SV2C: variants seen among roughly 807,000 people sequenced by gnomAD.
The protein encoded by SV2C is solute carrier family 22 member B3.
In SV2C, 49 loss-of-function variants were observed where a neutral mutation model predicts 79.7. The ratio of observed to expected loss-of-function variants is 0.61; its 90% CI spans 0.49 to 0.78. SV2C has a LOEUF of 0.78. SV2C is among the 30% of genes least tolerant of loss of function. SV2C has a pLI of 0.00. For synonymous variants in SV2C, 334 were observed against 333.2 expected (o/e 1.00, Z -0.03); for missense variants, 833 against 912.9 (o/e 0.91, Z 1.13).
intron 2 of SV2C, among the ~76,000 whole-genome samples, chr5:76,139,040 AC>A (rs2112202765): frequency 6.6e-6 from 1 of 151,762 alleles, no homozygotes; most frequent in African/African-American, 2.4e-5. Context: ...AATGGCATGA[AC>A]CCGGGAGGCA....
chr5:76,270,186 T>C (rs771489591), intron 4 of SV2C, among the ~76,000 whole-genome samples: 1 of 152,248 alleles, frequency 6.6e-6, no homozygotes, highest in Admixed American at 6.5e-5. Context: ...TCTCTATGAT[T>C]CATATAACCT....
At chr5:76,046,282 C>T in the SV2C span, among the ~76,000 whole-genome samples, 1 of 152,082 alleles carries the variant, frequency 6.6e-6, no homozygotes, top group Admixed American at 6.5e-5. Context: ...CATCACTGTA[C>T]CATGTGATAT....
At chr5:76,185,738 G>A (rs1169198891) in intron 2 of SV2C, among the ~76,000 whole-genome samples, 1 of 152,250 alleles carries the variant, frequency 6.6e-6, no homozygotes, top group Non-Finnish European at 1.5e-5. Flanking sequence ...CTCCAGGCCT[G>A]TGATGGGAGA....
intron 4 of SV2C, among the ~76,000 whole-genome samples, chr5:76,217,137 G>T (rs1395988947): frequency 6.6e-6 from 1 of 152,188 alleles, no homozygotes; most frequent in Non-Finnish European, 1.5e-5. Flanking sequence ...CCTCTATCTG[G>T]CTAGCCCTGC....
chr5:76,167,788 C>T (rs1001276111), intron 2 of SV2C, among the ~76,000 whole-genome samples: 1 of 152,136 alleles, frequency 6.6e-6, no homozygotes, highest in African/African-American at 2.4e-5. Flanking sequence ...GACCCAGGAA[C>T]CCGAATCCAA....
chr5:75,954,282 A>C, the SV2C span, among the ~76,000 whole-genome samples: 2 of 151,998 alleles, frequency 1.3e-5, no homozygotes, highest in Middle Eastern at 3.2e-3. Context: ...AAGGAAGAAA[A>C]TGGCAGGCTA....
the SV2C span, among the ~76,000 whole-genome samples, chr5:76,055,681 G>A: frequency 6.6e-6 from 1 of 152,052 alleles, no homozygotes; most frequent in Admixed American, 6.6e-5. Context: ...CTTGAGCAGT[G>A]GTTTGTAGTT....
chr5:76,281,462 C>G (rs1402316741), intron 4 of SV2C, among the ~76,000 whole-genome samples: 3 of 150,836 alleles, frequency 2.0e-5, no homozygotes, highest in Non-Finnish European at 4.4e-5. Flanking sequence ...TCCAACTTAA[C>G]TTCTATCAGC....
chr5:76,168,708 T>G (rs1743120548), intron 2 of SV2C, among the ~76,000 whole-genome samples: 1 of 152,252 alleles, frequency 6.6e-6, no homozygotes, highest in Admixed American at 6.5e-5. Context: ...TTCTACTGTG[T>G]TCTCACAAGA....
intron 4 of SV2C, among the ~76,000 whole-genome samples, chr5:76,262,302 T>C (rs1228339615): frequency 1.3e-5 from 2 of 152,170 alleles, no homozygotes; most frequent in Non-Finnish European, 2.9e-5. Flanking sequence ...TTGTTTTTTA[T>C]TGTGTCTATT....
rs751393518 is a variant in SV2C, at chr5:76,195,108, T to G, written c.761+9T>G. 1.5e-5 allele frequency: 24 copies of G among 1,610,934 alleles called. No individual in the cohort carries two copies. In the Admixed American group the frequency reaches 3.9e-4, roughly 26 times the overall value. Reference sequence around the variant, plus strand: ...TTACTTTCTGGATTCGGGTAAGGTTTTCTCCTTCATATTTTATAGTAATGT... The same window carrying G: ...TTACTTTCTGGATTCGGGTAAGGTTGTCTCCTTCATATTTTATAGTAATGT... On this transcript the variant is annotated intron_variant, in intron 3 of 12. Coordinates refer to ENST00000502798, the MANE Select transcript of SV2C (RefSeq NM_014979.4).
chr5:76,300,156 A>AATT (rs142593511), intron 10 of SV2C, among the ~76,000 whole-genome samples: 8,629 of 139,586 alleles, frequency 0.062, 347 homozygotes, highest in Admixed American at 0.11. Flanking sequence ...TCAAATAAAA[A>AATT]ATTATTATTA....
Position 76,154,546 on chromosome 5 carries a change from C to G in SV2C, c.580+22216C>G, listed in dbSNP as rs368879082. On this transcript the variant is annotated intron_variant, in intron 2 of 12. Coordinates refer to ENST00000502798, the MANE Select transcript of SV2C (RefSeq NM_014979.4). ...CCTGAGTGCTACGCTGCATCACACTCCAGACCACACAGAGCTGCATGCATA... is the reference window on the plus strand; with the variant it reads ...CCTGAGTGCTACGCTGCATCACACTGCAGACCACACAGAGCTGCATGCATA... Among the ~76,000 whole-genome samples, 10 of 152,302 alleles carry G rather than the reference C, an allele frequency of 6.6e-5. No individual in the cohort carries two copies. In the East Asian group the frequency reaches 1.4e-3, roughly 21 times the overall value.
chr5:76,244,998 T>C (rs1745901456), intron 4 of SV2C, among the ~76,000 whole-genome samples: 1 of 152,222 alleles, frequency 6.6e-6, no homozygotes, highest in South Asian at 2.1e-4. Flanking sequence ...AGGAACTGTC[T>C]CTTTCTTTAG....
At chr5:75,929,237 T>G in the SV2C span, among the ~76,000 whole-genome samples, 2 of 151,982 alleles carry the variant, frequency 1.3e-5, no homozygotes, top group East Asian at 3.9e-4. Flanking sequence ...CACCTCGCTC[T>G]GAGTCTCCCT....
chr5:75,910,895 C>A, the SV2C span: 4 of 975,546 alleles, frequency 4.1e-6, no homozygotes, highest in Non-Finnish European at 5.0e-6. Context: ...ACTGCAGAAG[C>A]AACATTCCAA....
the SV2C span, among the ~76,000 whole-genome samples, chr5:76,012,218 CCCA>C: frequency 2.0e-5 from 3 of 152,200 alleles, no homozygotes; most frequent in Non-Finnish European, 2.9e-5. Context: ...AATTTACACT[CCCA>C]CCAACAGTGT....
chr5:76,156,869 C>G (rs1381580071), intron 2 of SV2C, among the ~76,000 whole-genome samples: 1 of 151,722 alleles, frequency 6.6e-6, no homozygotes, highest in East Asian at 1.9e-4. Flanking sequence ...GTTATACAAG[C>G]TGAAGAGAGA....
intron 2 of SV2C, among the ~76,000 whole-genome samples, chr5:76,137,449 G>T (rs936958767): frequency 6.6e-6 from 1 of 152,180 alleles, no homozygotes; most frequent in Admixed American, 6.5e-5. Flanking sequence ...AGCAGATGGG[G>T]AGGCTGATGA....
Sources: allele counts gnomAD v4.1 joint callset (sites outside exome capture counted in the v4.1 genomes callset), GRCh38; gene constraint gnomAD v4.1.1; transcripts MANE v1.5; gene names NCBI Gene and HGNC (gene_info 2026-07-23, HGNC 2026-07-21).